DISP1: variants seen among roughly 807,000 people sequenced by gnomAD.
DISP1 encodes protein dispatched homolog 1.
DISP1 carries 30 observed loss-of-function variants against 37.3 expected under a neutral mutation model. The observed-to-expected ratio is 0.80, with a 90% confidence interval of 0.60 to 1.09. The LOEUF (loss-of-function observed/expected upper bound fraction) is 1.09, where lower values mean the gene tolerates loss of function less well. Ranked by LOEUF, DISP1 falls within the 50% of genes least tolerant of loss-of-function variation. The probability of loss-of-function intolerance (pLI) is 0.00; values close to 1 mark genes in which losing one functional copy is unlikely to be tolerated. For missense variants in DISP1, 1,598 were observed against 1,879.5 expected (o/e 0.85, Z 2.77); for synonymous variants, 634 against 690.2 (o/e 0.92, Z 1.28).
chr1:222,976,362 C>T (rs1483586298), intron 3 of DISP1, among the ~76,000 whole-genome samples: 5 of 152,056 alleles, frequency 3.3e-5, no homozygotes, highest in Admixed American at 1.3e-4. Context: ...GGCTAGCCTC[C>T]TTTCACAGGT....
At chr1:222,936,877 A>ATATATAAATTATATATCATATATG (rs1558340318) in intron 2 of DISP1, among the ~76,000 whole-genome samples, 60 of 60,268 alleles carry the variant, frequency 1.0e-3, no homozygotes, top group African/African-American at 3.7e-3. Context: ...TATCATATAT[A>ATATATAAATTATATATCATATATG]TGATATATAT....
intron 1 of DISP1, among the ~76,000 whole-genome samples, chr1:222,891,330 C>T (rs1670928820): frequency 6.6e-6 from 1 of 152,040 alleles, no homozygotes; most frequent in Non-Finnish European, 1.5e-5. Context: ...TAATTTCCTA[C>T]CTATAGCTGT....
intron 1 of DISP1, among the ~76,000 whole-genome samples, chr1:222,826,603 G>C (rs1025487681): frequency 1.3e-5 from 2 of 151,832 alleles, no homozygotes; most frequent in Non-Finnish European, 2.9e-5. Context: ...TGCCCAGGCT[G>C]GTCTCAAACT....
chr1:222,875,723 A>T (rs989494982), intron 1 of DISP1, among the ~76,000 whole-genome samples: 2 of 149,822 alleles, frequency 1.3e-5, no homozygotes, highest in African/African-American at 4.9e-5. Context: ...GCTACTTGGG[A>T]GGCTGAGGCA....
At chr1:222,858,418 A>AG (rs771385728) in intron 1 of DISP1, among the ~76,000 whole-genome samples, 144 of 152,308 alleles carry the variant, frequency 9.5e-4, no homozygotes, top group Non-Finnish European at 1.8e-3. Context: ...ACATAGGCAC[A>AG]GGCAAAGATC....
chr1:222,853,127 CTG>C (rs914950499), intron 1 of DISP1, among the ~76,000 whole-genome samples: 8 of 152,138 alleles, frequency 5.3e-5, no homozygotes, highest in Admixed American at 5.2e-4. Flanking sequence ...AATTTGTTTT[CTG>C]TGTTTTAATA....
chr1:223,004,701 G>T lies in DISP1; in HGVS notation c.3304G>T (p.Val1102Phe). The change falls in exon 9 of 9, where the codon GTT becomes TTT. Residue 1102 changes from valine (V) to phenylalanine (F), a missense_variant. Physicochemically the swap from Val to Phe is conservative, Grantham distance 50 (BLOSUM62 -1). Coordinates refer to ENST00000675850, the MANE Select transcript of DISP1 (RefSeq NM_001377229.1). This position sits in a 1 kb window ranked among gnomAD's most constrained non-coding sequence, Gnocchi z 4.9. ...VAGAMMMPST[V>F]LAYTQLGTFM... is the part of the protein sequence containing the mutation. ...AGGGGCCATGATGATGCCCTCCACA[G>T]TTCTAGCTTACACCCAGCTGGGCAC... is the stretch of plus-strand genomic sequence containing the variant. 1 of 1,614,076 alleles carries T rather than the reference G, an allele frequency of 6.2e-7. No individual in the cohort carries two copies. Among genetic ancestry groups the T allele is most frequent in the Non-Finnish European group, 8.5e-7 (1 of 1,180,030 alleles).
At chr1:222,997,784 A>T (rs1015557959) in intron 8 of DISP1, among the ~76,000 whole-genome samples, 4 of 152,202 alleles carry the variant, frequency 2.6e-5, no homozygotes, top group Admixed American at 6.5e-5. Context: ...TAAAAGCATT[A>T]TCTATATGCT....
At chr1:222,823,465 G>T (rs1663474272) in intron 1 of DISP1, among the ~76,000 whole-genome samples, 1 of 152,126 alleles carries the variant, frequency 6.6e-6, no homozygotes, top group Non-Finnish European at 1.5e-5. Flanking sequence ...ACTTATAAGT[G>T]CTAAATAACA....
intron 3 of DISP1, among the ~76,000 whole-genome samples, chr1:222,950,252 G>T (rs1675109548): frequency 6.6e-6 from 1 of 152,000 alleles, no homozygotes; most frequent in Admixed American, 6.6e-5. Flanking sequence ...GGAAAGTGGA[G>T]GAAAGTTGTG....
intron 1 of DISP1, among the ~76,000 whole-genome samples, chr1:222,855,849 G>T (rs1228505164): frequency 1.3e-5 from 2 of 149,144 alleles, no homozygotes; most frequent in Non-Finnish European, 3.0e-5. Context: ...TATCTAATGC[G>T]ACTGGAATTT....
At chr1:222,961,240 A>G (rs2102593468) in intron 3 of DISP1, among the ~76,000 whole-genome samples, 1 of 152,308 alleles carries the variant, frequency 6.6e-6, no homozygotes, top group South Asian at 2.1e-4. Context: ...GGCAAACCAA[A>G]TCCAGCAGCA....
intron 1 of DISP1, among the ~76,000 whole-genome samples, chr1:222,860,911 G>C (rs917727410): frequency 6.6e-6 from 1 of 152,002 alleles, no homozygotes; most frequent in South Asian, 2.1e-4. Flanking sequence ...GAAAGTGATT[G>C]CTAGAAAAAA....
intron 1 of DISP1, among the ~76,000 whole-genome samples, chr1:222,845,089 G>A (rs985918674): frequency 1.3e-5 from 2 of 152,106 alleles, no homozygotes; most frequent in African/African-American, 4.8e-5. Flanking sequence ...GTGCTAAAAA[G>A]GTCAAATCTC....
At chr1:222,883,288 G>A (rs1431593507) in intron 1 of DISP1, among the ~76,000 whole-genome samples, 1 of 152,026 alleles carries the variant, frequency 6.6e-6, no homozygotes, top group African/African-American at 2.4e-5. Flanking sequence ...TATATACAAA[G>A]TTTTTATGGA....
At position 222,971,741 on chromosome 1, in the gene DISP1, T is replaced by C. The variant is rs528550963; in HGVS notation, c.510-11339T>C. On this transcript the variant is annotated intron_variant, in intron 3 of 8. Coordinates refer to ENST00000675850, the MANE Select transcript of DISP1 (RefSeq NM_001377229.1). ...AGCAAATTTGAGATGGGATCTTAGA[T>C]ATAAAATACATAATTTGAACTTACT... 4.1e-3 allele frequency among the ~76,000 whole-genome samples: 619 copies of C among 152,264 alleles called. 1 individual carries two copies. Among genetic ancestry groups the C allele is most frequent in the Non-Finnish European group, 6.8e-3 (464 of 67,966 alleles).
intron 1 of DISP1, among the ~76,000 whole-genome samples, chr1:222,838,616 A>G (rs1667398328): frequency 6.6e-6 from 1 of 152,090 alleles, no homozygotes; most frequent in Non-Finnish European, 1.5e-5. Flanking sequence ...AAGAAAAAAA[A>G]ATTAGCTGGG....
rs1300851823 is a variant in DISP1 at position 222,936,706 on chromosome 1, TA to T, written c.-17-6100del. ...TATAAAATATATGATATATATCATA[TA>T]TATTATATATCATATATATGATATA... On this transcript the variant is annotated intron_variant, in intron 2 of 8. Transcript: ENST00000675850. Among the ~76,000 whole-genome samples, 109 of 106,286 alleles carry T rather than the reference TA, an allele frequency of 1.0e-3. 2 individuals carry two copies. The highest frequency in any genetic ancestry group is 3.9e-3 in the African/African-American group (106 of 27,504). 69.7% of individuals were successfully genotyped at this position (106,286 alleles called of 152,430 possible). A position where few individuals can be genotyped will look rare whatever the true frequency, so the allele number is the denominator to read the frequency against.
At chr1:222,879,819 G>C (rs562085183) in intron 1 of DISP1, among the ~76,000 whole-genome samples, 1 of 152,148 alleles carries the variant, frequency 6.6e-6, no homozygotes, top group South Asian at 2.1e-4. Flanking sequence ...AGAAATGTAA[G>C]TTTAAAATAA....
Sources: allele counts gnomAD v4.1 joint callset (sites outside exome capture counted in the v4.1 genomes callset), GRCh38; gene constraint gnomAD v4.1.1; non-coding constraint Gnocchi (gnomAD v3.1); transcripts MANE v1.5; gene names NCBI Gene and HGNC (gene_info 2026-07-23, HGNC 2026-07-21).